IL1RAPL1: variants seen among roughly 807,000 people sequenced by gnomAD.
The protein encoded by IL1RAPL1 is interleukin 1 receptor accessory protein like 1.
Under a neutral mutation model 48.4 loss-of-function variants are expected in IL1RAPL1, and 3 were observed. That is an observed-to-expected ratio of 0.06 (90% CI 0.03 to 0.16). The LOEUF is 0.16. Among genes scored for constraint, IL1RAPL1 ranks in the 10% least tolerant of loss-of-function variants. The pLI is 1.00. For missense variants in IL1RAPL1, 349 were observed against 530.6 expected (o/e 0.66, Z 3.36); for synonymous variants, 185 against 187.7 (o/e 0.99, Z 0.12).
chrX:29,083,100 T>A (rs1255899804), intron 2 of IL1RAPL1, among the ~76,000 whole-genome samples: 1 of 112,111 alleles, frequency 8.9e-6, no homozygotes, highest in Non-Finnish European at 1.9e-5. Context: ...GGTTTCTGAT[T>A]TGTATTTACT....
At chrX:28,788,482 C>T (rs1936496748) in intron 1 of IL1RAPL1, among the ~76,000 whole-genome samples, 1 of 110,684 alleles carries the variant, frequency 9.0e-6, no homozygotes, top group African/African-American at 3.3e-5. Flanking sequence ...CTTCTTCTTT[C>T]TTCTTTCTTC....
chrX:28,859,783 ATAT>A (rs1361958065), intron 2 of IL1RAPL1, among the ~76,000 whole-genome samples: 3 of 108,321 alleles, frequency 2.8e-5, no homozygotes, highest in Non-Finnish European at 5.7e-5. Context: ...TACAATAATA[ATAT>A]TTATTACTAT....
intron 6 of IL1RAPL1, among the ~76,000 whole-genome samples, chrX:29,718,430 G>T (rs1369002164): frequency 7.3e-5 from 7 of 96,513 alleles, no homozygotes; most frequent in Non-Finnish European, 1.4e-4. Context: ...ACAGGGAGGG[G>T]AACATCACAC....
chrX:29,881,136 G>A (rs1396664112), intron 6 of IL1RAPL1, among the ~76,000 whole-genome samples: 3 of 110,798 alleles, frequency 2.7e-5, no homozygotes, highest in African/African-American at 9.9e-5. Context: ...CCTATGACCT[G>A]GAGTGTTTCT....
chrX:29,524,438 A>G (rs1229359793), intron 5 of IL1RAPL1, among the ~76,000 whole-genome samples: 1 of 111,376 alleles, frequency 9.0e-6, no homozygotes, highest in African/African-American at 3.2e-5. Context: ...GATATATTTT[A>G]TATCAGCTTA....
chrX:29,122,840 C>T (rs1928822724), intron 2 of IL1RAPL1, among the ~76,000 whole-genome samples: 1 of 110,156 alleles, frequency 9.1e-6, no homozygotes, highest in South Asian at 3.9e-4. Flanking sequence ...AGGACATGTT[C>T]AGGAAGAGCT....
At chrX:29,776,435 C>A (rs1439655802) in intron 6 of IL1RAPL1, among the ~76,000 whole-genome samples, 1 of 112,010 alleles carries the variant, frequency 8.9e-6, no homozygotes, top group Non-Finnish European at 1.9e-5. Flanking sequence ...GCCTCTCCCC[C>A]TTTTCAGCAT....
chrX:29,341,373 A>G (rs1933072259), intron 3 of IL1RAPL1, among the ~76,000 whole-genome samples: 1 of 112,315 alleles, frequency 8.9e-6, no homozygotes, highest in South Asian at 3.7e-4. Context: ...GTGTATGACA[A>G]ATGGATACAG....
chrX:28,882,648 C>G (rs1330974493), intron 2 of IL1RAPL1, among the ~76,000 whole-genome samples: 1 of 110,875 alleles, frequency 9.0e-6, no homozygotes, highest in Non-Finnish European at 1.9e-5. Flanking sequence ...CAGCTGAGCC[C>G]CCGCCACTGC....
intron 6 of IL1RAPL1, among the ~76,000 whole-genome samples, chrX:29,771,478 T>C (rs1373226102): frequency 2.7e-5 from 3 of 112,277 alleles, no homozygotes; most frequent in Admixed American, 1.9e-4. Flanking sequence ...GGAAGGAAAG[T>C]ATGAGAAAAA....
intron 6 of IL1RAPL1, among the ~76,000 whole-genome samples, chrX:29,740,120 C>CAGAAAAAAAAAAAAAAAAAAAAA (rs1928161310): frequency 2.9e-5 from 1 of 34,455 alleles, no homozygotes. Flanking sequence ...AACAAAAAAA[C>CAGAAAAAAAAAAAAAAAAAAAAA]AGAAAAAAAA....
intron 2 of IL1RAPL1, among the ~76,000 whole-genome samples, chrX:29,035,793 T>C (rs1261581735): frequency 8.9e-6 from 1 of 112,642 alleles, no homozygotes; most frequent in Non-Finnish European, 1.9e-5. Context: ...TGAATTTAAC[T>C]ATATCATAAC....
chrX:29,260,593 T>G (rs1931837327), intron 2 of IL1RAPL1, among the ~76,000 whole-genome samples: 1 of 111,658 alleles, frequency 9.0e-6, no homozygotes, highest in Non-Finnish European at 1.9e-5. Context: ...TTATTACAAT[T>G]CAAGGTGAGA....
chrX:29,532,627 A>T (rs1341304098), intron 5 of IL1RAPL1, among the ~76,000 whole-genome samples: 1 of 111,700 alleles, frequency 9.0e-6, no homozygotes, highest in Non-Finnish European at 1.9e-5. Context: ...CTTCCCCAGG[A>T]TTGACACTGA....
chrX:29,620,105 T>C (rs751932337), intron 5 of IL1RAPL1, among the ~76,000 whole-genome samples: 1 of 111,923 alleles, frequency 8.9e-6, no homozygotes, highest in East Asian at 2.8e-4. Flanking sequence ...AGGGCTCCTT[T>C]CTCATTTGTT....
In IL1RAPL1 at chrX:29,633,255, TATATA is replaced by T. The variant is rs1191988726; in HGVS notation, c.704-35169_704-35165del. ...TGTGAAAGAAGCCAGAAAAAAAGAG[TATATA>T]ATATATGATTTCATTTACCTAAATT... On this transcript the variant is annotated intron_variant, in intron 5 of 10. Transcript: ENST00000378993. 1.1e-4 allele frequency among the ~76,000 whole-genome samples: 12 copies of T among 110,924 alleles called. No individual in the cohort carries two copies. In the East Asian group the frequency reaches 2.5e-3, roughly 23 times the overall value.
chrX:29,378,596 A>G (rs1933653560), intron 3 of IL1RAPL1, among the ~76,000 whole-genome samples: 1 of 112,231 alleles, frequency 8.9e-6, no homozygotes, highest in Non-Finnish European at 1.9e-5. Flanking sequence ...GTCTTTATTT[A>G]TGGCTTAATT....
chrX:29,078,991 T>C (rs1927743478), intron 2 of IL1RAPL1, among the ~76,000 whole-genome samples: 2 of 112,223 alleles, frequency 1.8e-5, no homozygotes, highest in African/African-American at 6.5e-5. Flanking sequence ...CATCAGAATT[T>C]AAGGGTATAT....
At chrX:29,234,022 GA>G (rs1251524226) in intron 2 of IL1RAPL1, among the ~76,000 whole-genome samples, 2 of 111,630 alleles carry the variant, frequency 1.8e-5, no homozygotes, top group Non-Finnish European at 3.8e-5. Flanking sequence ...ACAAGGAAAT[GA>G]ATGCTGCCAA....
Sources: gnomAD v4.1 joint callset for allele counts (sites outside exome capture counted in the v4.1 genomes callset) on GRCh38, gnomAD v4.1.1 for gene constraint, MANE v1.5 for transcripts, NCBI Gene and HGNC (gene_info 2026-07-23, HGNC 2026-07-21) for gene names.